Variants in LMLN observed in about 807,000 individuals in gnomAD.
LMLN encodes leishmanolysin like peptidase, also known as leishmanolysin-like peptidase.
In LMLN, 70 loss-of-function variants were observed where a neutral mutation model predicts 92.3. The observed-to-expected ratio is 0.76, with a 90% CI of 0.63 to 0.92. The LOEUF (loss-of-function observed/expected upper bound fraction) is 0.92. Ranked by LOEUF, LMLN falls within the 40% of genes least tolerant of loss-of-function variation. The pLI, the probability that LMLN is intolerant of heterozygous loss-of-function variation, is 0.00. For synonymous variants in LMLN, 308 were observed against 296.2 expected (o/e 1.04, Z -0.41); for missense variants, 691 against 814.6 (o/e 0.85, Z 1.85).
intron 8 of LMLN, among the ~76,000 whole-genome samples, chr3:197,988,217 C>T (rs141273652): frequency 6.6e-6 from 1 of 151,682 alleles, no homozygotes; most frequent in Non-Finnish European, 1.5e-5. Flanking sequence ...CTCCTGGGCT[C>T]AGGCAAGCTT....
At chr3:197,988,495 T>C (rs1333530549) in intron 8 of LMLN, among the ~76,000 whole-genome samples, 1 of 133,120 alleles carries the variant, frequency 7.5e-6, no homozygotes, top group Non-Finnish European at 1.6e-5. Context: ...TTTTTTTTTT[T>C]TTTTTTTTTT....
exon 16 of LMLN, chr3:198,041,317 A>G (rs926407007): frequency 6.6e-6 from 1 of 152,230 alleles, no homozygotes; most frequent in African/African-American, 2.4e-5. Flanking sequence ...TCCAGAATCC[A>G]AATTGCTCCA....
At chr3:197,984,988 C>T (rs1721663642) in intron 7 of LMLN, among the ~76,000 whole-genome samples, 1 of 152,060 alleles carries the variant, frequency 6.6e-6, no homozygotes. Context: ...CTTCTGCTGC[C>T]GCTTCTGATA....
chr3:198,036,124 C>T, intron 15 of LMLN, 81 bp downstream of exon 16: 2 of 1,253,688 alleles, frequency 1.6e-6, no homozygotes, highest in South Asian at 1.2e-5. Context: ...CATTTCCCTT[C>T]AAGGAAGCTC....
At chr3:198,037,156 T>C (rs1346803021) in intron 15 of LMLN, among the ~76,000 whole-genome samples, 1 of 152,188 alleles carries the variant, frequency 6.6e-6, no homozygotes, top group Non-Finnish European at 1.5e-5. Flanking sequence ...ATCATAGTAC[T>C]CATGGCTAAG....
At position 197,974,485 on chromosome 3, in the gene LMLN, C is replaced by T; in HGVS notation, c.317+11C>T. 2 of 1,259,194 alleles carry T rather than the reference C, an allele frequency of 1.6e-6. No individual in the cohort carries two copies. Among genetic ancestry groups the T allele is most frequent in the Non-Finnish European group, 2.2e-6 (2 of 900,692 alleles). The allele number at this position is 1,259,194 out of a possible 1,614,324, so 78.0% of individuals were successfully genotyped here. A position where few individuals can be genotyped will look rare whatever the true frequency, so the allele number is the denominator to read the frequency against. ...TAAAAGTGTTGAAGAGTAAGTACACCATTGTATTGTCATCTTTTTCATTAT... is the reference window on the plus strand; with the variant it reads ...TAAAAGTGTTGAAGAGTAAGTACACTATTGTATTGTCATCTTTTTCATTAT... On this transcript the variant is annotated intron_variant, in intron 2 of 15. Coordinates refer to ENST00000330198, the Ensembl canonical transcript of LMLN.
At chr3:198,041,929 T>A (rs1723417468) in exon 16 of LMLN, 1 of 152,184 alleles carries the variant, frequency 6.6e-6, no homozygotes, top group Non-Finnish European at 1.5e-5. Flanking sequence ...CTTTATTTTT[T>A]ATTGATATAA....
intron 15 of LMLN, among the ~76,000 whole-genome samples, chr3:198,036,923 A>G (rs1410989074): frequency 6.6e-6 from 1 of 152,148 alleles, no homozygotes; most frequent in Non-Finnish European, 1.5e-5. Flanking sequence ...TGCCTAGTCC[A>G]TGGTGTGATG....
At chr3:198,008,546 C>T (rs1238591595) in intron 11 of LMLN, among the ~76,000 whole-genome samples, 5 of 152,046 alleles carry the variant, frequency 3.3e-5, no homozygotes, top group Non-Finnish European at 7.4e-5. Flanking sequence ...GACAACATGG[C>T]GAAAGCCCAT....
At chr3:197,965,504 G>C (rs1406145453) in intron 1 of LMLN, among the ~76,000 whole-genome samples, 3 of 152,062 alleles carry the variant, frequency 2.0e-5, no homozygotes, top group Admixed American at 1.3e-4. Context: ...GCCTCCCAAA[G>C]TGCTGGGATT....
rs370683316 is a variant in LMLN at position 198,013,624 on chromosome 3, T to C, written c.1233-5629T>C. Among the ~76,000 whole-genome samples the C allele has an allele frequency of 6.8e-3, 424 of 62,158 alleles. No homozygotes were observed. In the Middle Eastern group the frequency reaches 0.071, roughly 10 times the overall value. 40.8% of individuals were successfully genotyped at this position (62,158 alleles called of 152,430 possible). ...TGACTTCTCTGTACCCTTCAGAGCC[T>C]CCTAACTAGTCTGACTTCTCTCCAC... On this transcript the variant is annotated intron_variant, in intron 11 of 15. Transcript: ENST00000330198.
intron 8 of LMLN, among the ~76,000 whole-genome samples, chr3:197,989,213 C>T (rs772318091): frequency 5.3e-5 from 8 of 152,120 alleles, no homozygotes; most frequent in East Asian, 1.9e-4. Context: ...CGCACCACAC[C>T]GCTCCTGTTT....
chr3:197,962,245 C>T (rs1175481384), intron 1 of LMLN, among the ~76,000 whole-genome samples: 1 of 151,590 alleles, frequency 6.6e-6, no homozygotes, highest in Non-Finnish European at 1.5e-5. Context: ...ATGGTATGTA[C>T]TCCTCTGTAT....
chr3:198,022,782 C>T (rs774362037), intron 13 of LMLN, among the ~76,000 whole-genome samples: 113 of 152,126 alleles, frequency 7.4e-4, no homozygotes, highest in Non-Finnish European at 1.9e-4. Context: ...CTTGAGCAGC[C>T]CAGGAGGCGG....
chr3:198,003,639 A>G (rs1722236106), intron 11 of LMLN, among the ~76,000 whole-genome samples: 1 of 123,446 alleles, frequency 8.1e-6, no homozygotes. Context: ...TTATCTATAT[A>G]TCATCTATAC....
intron 8 of LMLN, among the ~76,000 whole-genome samples, chr3:197,990,042 T>TTTTAC (rs1721821549): frequency 6.6e-6 from 1 of 151,362 alleles, no homozygotes; most frequent in African/African-American, 2.4e-5. Flanking sequence ...GCCTGGCTTA[T>TTTTAC]TTTATTTTAT....
At position 198,038,551 on chromosome 3, in the gene LMLN, T is replaced by C. The variant is rs769415368; in HGVS notation, c.1868-16T>C. On this transcript the variant is annotated splice_polypyrimidine_tract_variant and intron_variant, in intron 15 of 15. Coordinates refer to ENST00000330198, the Ensembl canonical transcript of LMLN. ...AAATTGTTTATAGAAAGTCAGTTTT[T>C]TGTTTTCAACTCTAGATCTTTGTTC... The C allele has an allele frequency of 4.4e-6, 7 of 1,589,696 alleles. No individual in the cohort carries two copies. In the African/African-American group the frequency reaches 9.4e-5, roughly 21 times the overall value.
intron 6 of LMLN, 33 bp from the exon 7 acceptor site, chr3:197,983,910 T>G (rs570110991): frequency 4.5e-6 from 6 of 1,343,116 alleles, no homozygotes; most frequent in Non-Finnish European, 6.4e-6. Context: ...TGTTCTGGAA[T>G]GTAATTTAAA....
chr3:198,039,848 C>CT (rs1723351136), exon 16 of LMLN: 2 of 152,124 alleles, frequency 1.3e-5, no homozygotes, highest in Admixed American at 1.3e-4. Flanking sequence ...ATTCATCCCT[C>CT]TTCAGAGCTC....
Sources: allele counts gnomAD v4.1 joint callset (sites outside exome capture counted in the v4.1 genomes callset), GRCh38; gene constraint gnomAD v4.1.1; transcripts MANE v1.5; gene names NCBI Gene and HGNC (gene_info 2026-07-23, HGNC 2026-07-21).